ZFAND4: variants seen among roughly 807,000 people sequenced by gnomAD.
ZFAND4 encodes the protein zinc finger AN1-type containing 4.
ZFAND4 carries 43 observed loss-of-function variants against 64.4 expected under a neutral mutation model. The ratio of observed to expected loss-of-function variants is 0.67; its 90% CI spans 0.52 to 0.86. The LOEUF (loss-of-function observed/expected upper bound fraction) is 0.86, where lower values mean the gene tolerates loss of function less well. ZFAND4 is among the 40% of genes least tolerant of loss of function. The pLI, the probability that ZFAND4 is intolerant of heterozygous loss-of-function variation, is 0.00. For synonymous variants in ZFAND4, 296 were observed against 305.7 expected (o/e 0.97, Z 0.33); for missense variants, 929 against 859.8 (o/e 1.08, Z -1.01).
Position 45,616,087 on chromosome 10 carries a change from A to G in ZFAND4, c.*349T>C. 9.0e-6 allele frequency: 2 copies of G among 221,588 alleles called. No homozygotes were observed. The allele number at this position is 221,588 out of a possible 1,614,324, so 13.7% of individuals were successfully genotyped here. The stretch of plus-strand genomic sequence containing the variant: ...CATTACATGACTGCTCATTCTGTAC[A>G]ATGTGGAAGCCTGGTTATTTAGGAA... On this transcript the variant is annotated 3_prime_UTR_variant, in exon 10 of 10. Coordinates refer to ENST00000344646, the MANE Select transcript of ZFAND4 (RefSeq NM_174890.4).
chr10:45,640,423 TAAAAA>T (rs35229531), intron 5 of ZFAND4: 348 of 916,196 alleles, frequency 3.8e-4, no homozygotes, highest in East Asian at 9.4e-4. Context: ...AGATTCTCAC[TAAAAA>T]AAAAAAAAAA....
Position 45,626,559 on chromosome 10 carries a change from C to T in ZFAND4, c.1264G>A (p.Val422Met), listed in dbSNP as rs764907783. The T allele has an allele frequency of 1.2e-6, 2 of 1,614,154 alleles. No individual in the cohort carries two copies. Among genetic ancestry groups the T allele is most frequent in the South Asian group, 2.2e-5 (2 of 91,086 alleles). The part of the protein sequence containing the change: ...QSSGLEGACK[V>M]NLELLLTNAD... ...TTAGTGAGTAGCAACTCCAGATTCACTTTGCACGCACCTTCTAAGCCGCTG... is the reference window on the plus strand; with the variant it reads ...TTAGTGAGTAGCAACTCCAGATTCATTTTGCACGCACCTTCTAAGCCGCTG... The change falls in exon 7 of 10, where the codon GTG becomes ATG. Residue 422 changes from valine to methionine, a missense_variant. Transcript: ENST00000344646.
chr10:45,620,471 C>T (rs969641738), intron 8 of ZFAND4, among the ~76,000 whole-genome samples: 2 of 151,904 alleles, frequency 1.3e-5, no homozygotes, highest in Admixed American at 1.3e-4. Context: ...GGTAACAGGG[C>T]GAGACTCTGT....
At chr10:45,629,216 C>A (rs1334690144) in intron 6 of ZFAND4, among the ~76,000 whole-genome samples, 1 of 152,098 alleles carries the variant, frequency 6.6e-6, no homozygotes, top group Non-Finnish European at 1.5e-5. Context: ...ACACACATCA[C>A]CATGCCCAGC....
intron 2 of ZFAND4, 48 bp downstream of exon 2, chr10:45,663,491 TTGA>T (rs2048611262): frequency 7.1e-7 from 1 of 1,414,624 alleles, no homozygotes; most frequent in Non-Finnish European, 9.6e-7. Flanking sequence ...CTAGACATTA[TTGA>T]TGAACAAATT....
intron 5 of ZFAND4, among the ~76,000 whole-genome samples, chr10:45,642,607 CAAAA>C (rs531722370): frequency 1.7e-5 from 1 of 58,664 alleles, no homozygotes; most frequent in Non-Finnish European, 3.5e-5. Flanking sequence ...GACTCCATCT[CAAAA>C]AAAAAAAAAA....
chr10:45,669,387 T>C (rs2049034044), intron 1 of ZFAND4, among the ~76,000 whole-genome samples: 1 of 152,090 alleles, frequency 6.6e-6, no homozygotes, highest in Non-Finnish European at 1.5e-5. Context: ...AGGCAATAAT[T>C]AATAGCCTAC....
chr10:45,661,308 C>T (rs2048456906), intron 2 of ZFAND4, among the ~76,000 whole-genome samples: 1 of 152,110 alleles, frequency 6.6e-6, no homozygotes, highest in Non-Finnish European at 1.5e-5. Flanking sequence ...ACTCCAGTCC[C>T]TTTTTCAAGG....
chr10:45,645,457 T>A (rs75203622), intron 5 of ZFAND4, among the ~76,000 whole-genome samples: 9,089 of 152,244 alleles, frequency 0.06, 394 homozygotes, highest in African/African-American at 0.12. Flanking sequence ...ATGTTTTTTT[T>A]AGCTCAGGAA....
At chr10:45,621,463 C>T (rs1299998073) in intron 8 of ZFAND4, among the ~76,000 whole-genome samples, 3 of 149,856 alleles carry the variant, frequency 2.0e-5, no homozygotes, top group African/African-American at 7.3e-5. Flanking sequence ...GAGGTTAAGG[C>T]CAGGCGCAGT....
In ZFAND4 at chr10:45,672,650, C is replaced by CT. The variant is rs1274514429; in HGVS notation, c.-519dup. The CT allele has an allele frequency of 1.3e-5, 2 of 152,070 alleles. No individual in the cohort carries two copies. Among genetic ancestry groups the CT allele is most frequent in the Non-Finnish European group, 2.9e-5 (2 of 67,944 alleles). 9.4% of individuals were successfully genotyped at this position (152,070 alleles called of 1,614,324 possible). ...GCGGCTCGCAGCCCGGGCGCCCCCC[C>CT]TGCCGGCCGCTCGCTAGCTCAGCCT... On this transcript the variant is annotated 5_prime_UTR_variant, in exon 1 of 10. Coordinates refer to ENST00000344646, the MANE Select transcript of ZFAND4 (RefSeq NM_174890.4).
intron 9 of ZFAND4, among the ~76,000 whole-genome samples, chr10:45,617,317 G>A (rs1041377656): frequency 1.3e-5 from 2 of 151,614 alleles, no homozygotes; most frequent in East Asian, 1.9e-4. Context: ...CATTCGAACC[G>A]AATACACTCT....
At chr10:45,627,170 C>G in intron 6 of ZFAND4, 65 bp from the exon 7 acceptor site, 1 of 1,344,098 alleles carries the variant, frequency 7.4e-7, no homozygotes, top group Non-Finnish European at 1.0e-6. Context: ...CAAAAATTAG[C>G]GAAGGAAGAA....
At chr10:45,667,298 T>C (rs1323105201) in intron 1 of ZFAND4, among the ~76,000 whole-genome samples, 1 of 152,168 alleles carries the variant, frequency 6.6e-6, no homozygotes, top group African/African-American at 2.4e-5. Flanking sequence ...GATTTTAATA[T>C]CTTGATCCTG....
intron 6 of ZFAND4, among the ~76,000 whole-genome samples, chr10:45,635,225 C>CAAAAAAA (rs1486980850): frequency 1.4e-5 from 1 of 70,636 alleles, no homozygotes; most frequent in African/African-American, 5.3e-5. Context: ...AAAAAAAAAA[C>CAAAAAAA]AAACAAAAAA....
Position 45,627,030 on chromosome 10 carries a change from G to T in ZFAND4, c.793C>A (p.Arg265Ser). Residue 265 changes from arginine (R) to serine (S), a missense_variant, in exon 7 of 10, where the codon CGC (arginine) becomes AGC (serine). Coordinates refer to ENST00000344646, the MANE Select transcript of ZFAND4 (RefSeq NM_174890.4). Reference sequence around the variant, plus strand: ...GGGAGGACCCTTAACAATCGGTGGCGAGATGGTGCAGTGGAACCACTAGAA... The same window carrying T: ...GGGAGGACCCTTAACAATCGGTGGCTAGATGGTGCAGTGGAACCACTAGAA... ...RPSSGSTAPS[R>S]HRLLRVLPNI... is the part of the protein sequence containing the mutation. 4.4e-6 allele frequency: 7 copies of T among 1,605,166 alleles called. No individual in the cohort carries two copies. The highest frequency in any genetic ancestry group is 6.0e-6 in the Non-Finnish European group (7 of 1,174,772).
intron 6 of ZFAND4, among the ~76,000 whole-genome samples, chr10:45,639,100 G>A (rs2046820486): frequency 6.6e-6 from 1 of 151,892 alleles, no homozygotes; most frequent in Non-Finnish European, 1.5e-5. Flanking sequence ...GAAAAGGAAG[G>A]GAGCCATTAA....
At chr10:45,649,070 C>G (rs2047585588) in intron 4 of ZFAND4, 1 of 389,218 alleles carries the variant, frequency 2.6e-6, no homozygotes, top group Admixed American at 6.5e-5. Context: ...AGATCAAGAC[C>G]ATCCTGGCCA....
intron 7 of ZFAND4, among the ~76,000 whole-genome samples, chr10:45,625,307 C>A (rs1321510237): frequency 6.8e-6 from 1 of 147,712 alleles, no homozygotes; most frequent in Non-Finnish European, 1.5e-5. Context: ...CCCATCTCTA[C>A]TAAAAATACA....
Sources: allele counts gnomAD v4.1 joint callset (sites outside exome capture counted in the v4.1 genomes callset), GRCh38; gene constraint gnomAD v4.1.1; transcripts MANE v1.5; gene names NCBI Gene and HGNC (gene_info 2026-07-23, HGNC 2026-07-21).